Variants in DGKB observed in about 807,000 individuals in gnomAD.
The protein encoded by DGKB is 90 kDa diacylglycerol kinase.
DGKB carries 67 observed loss-of-function variants against 114.3 expected under a neutral mutation model. That is an observed-to-expected ratio of 0.59 (90% confidence interval 0.48 to 0.72). The LOEUF (loss-of-function observed/expected upper bound fraction) is 0.72. Among genes scored for constraint, DGKB ranks in the 30% least tolerant of loss-of-function variants. The pLI is 0.00. For missense variants in DGKB, 907 were observed against 975.2 expected (o/e 0.93, Z 0.93); for synonymous variants, 398 against 323.1 (o/e 1.23, Z -2.49).
intron 13 of DGKB, among the ~76,000 whole-genome samples, chr7:14,631,427 G>A (rs1412801677): frequency 6.6e-6 from 1 of 151,940 alleles, no homozygotes; most frequent in Non-Finnish European, 1.5e-5. Context: ...GAAAATTAAG[G>A]TGTTCAGGAA....
intron 1 of DGKB, among the ~76,000 whole-genome samples, chr7:14,961,740 T>C (rs1396784343): frequency 6.6e-6 from 1 of 152,160 alleles, no homozygotes; most frequent in Non-Finnish European, 1.5e-5. Context: ...TGGTAGATTT[T>C]ATAAAATCCA....
At chr7:14,358,900 C>T (rs1815138222) in intron 21 of DGKB, among the ~76,000 whole-genome samples, 1 of 151,998 alleles carries the variant, frequency 6.6e-6, no homozygotes, top group Admixed American at 6.5e-5. Context: ...CAATGCCATC[C>T]CCATCAAGCT....
chr7:14,431,409 T>A (rs1381494266), intron 21 of DGKB, among the ~76,000 whole-genome samples: 1 of 152,128 alleles, frequency 6.6e-6, no homozygotes, highest in Non-Finnish European at 1.5e-5. Context: ...AGTTGAATAT[T>A]AGCAATTTAA....
chr7:14,695,759 G>A (rs1035111103), intron 8 of DGKB, among the ~76,000 whole-genome samples: 3 of 151,558 alleles, frequency 2.0e-5, no homozygotes, highest in Non-Finnish European at 2.9e-5. Flanking sequence ...CACCTGCCTC[G>A]GCCTCCCAAA....
chr7:14,518,335 AG>A (rs999846295), intron 20 of DGKB, among the ~76,000 whole-genome samples: 5 of 152,082 alleles, frequency 3.3e-5, no homozygotes, highest in African/African-American at 7.2e-5. Flanking sequence ...GAGGAGGGTA[AG>A]GATCGCAAAA....
intron 23 of DGKB, among the ~76,000 whole-genome samples, chr7:14,180,848 C>A (rs921366855): frequency 6.6e-6 from 1 of 152,060 alleles, no homozygotes; most frequent in Admixed American, 6.5e-5. Context: ...GACTTCCTCA[C>A]CTCACATTCT....
At chr7:14,653,819 ATCT>A (rs1815181875) in intron 13 of DGKB, among the ~76,000 whole-genome samples, 1 of 152,034 alleles carries the variant, frequency 6.6e-6, no homozygotes, top group Admixed American at 6.6e-5. Flanking sequence ...CAATTCATAA[ATCT>A]TCATCCTAAA....
chr7:14,388,749 G>C (rs969596), intron 21 of DGKB, among the ~76,000 whole-genome samples: 148,493 of 152,236 alleles, frequency 0.98, 72,525 homozygotes, highest in Non-Finnish European at 1. Flanking sequence ...GAAAAAAGAA[G>C]ACTGACAACT....
chr7:14,390,976 C>T (rs1218992138), intron 21 of DGKB, among the ~76,000 whole-genome samples: 1 of 152,116 alleles, frequency 6.6e-6, no homozygotes, highest in Admixed American at 6.5e-5. Flanking sequence ...CAAGGACTCA[C>T]CTCTTCAATT....
At chr7:14,649,027 C>A (rs1339827920) in intron 13 of DGKB, among the ~76,000 whole-genome samples, 2 of 65,410 alleles carry the variant, frequency 3.1e-5, no homozygotes. Flanking sequence ...CATTGGTGTA[C>A]CTGAAAGTGA....
At chr7:14,898,160 G>A (rs1268451948) in intron 1 of DGKB, among the ~76,000 whole-genome samples, 1 of 151,970 alleles carries the variant, frequency 6.6e-6, no homozygotes, top group African/African-American at 2.4e-5. Context: ...GAGATTAAAG[G>A]ACAAAAACAC....
intron 8 of DGKB, among the ~76,000 whole-genome samples, chr7:14,695,940 T>C (rs1823798557): frequency 6.6e-6 from 1 of 152,204 alleles, no homozygotes; most frequent in African/African-American, 2.4e-5. Flanking sequence ...TGTACAACTT[T>C]GTACCATTTC....
At chr7:14,382,937 G>C (rs952509135) in intron 21 of DGKB, among the ~76,000 whole-genome samples, 1 of 152,130 alleles carries the variant, frequency 6.6e-6, no homozygotes, top group African/African-American at 2.4e-5. Context: ...AGGAAATTAA[G>C]AAAAGGATAA....
chr7:14,596,033 T>C (rs1802519452), intron 17 of DGKB, among the ~76,000 whole-genome samples: 1 of 152,142 alleles, frequency 6.6e-6, no homozygotes, highest in South Asian at 2.1e-4. Flanking sequence ...CATTAACCAT[T>C]GTTACGTTAA....
chr7:14,437,964 C>T lies in DGKB; in HGVS notation c.1835+40197G>A, dbSNP rs759791747. 2.0e-5 allele frequency among the ~76,000 whole-genome samples: 3 copies of T among 151,618 alleles called. No homozygotes were observed. In the East Asian group the frequency reaches 5.8e-4, roughly 29 times the overall value. The stretch of plus-strand genomic sequence containing the variant: ...TAGGATAGATAAAATTACAAAAATT[C>T]TTTCATTGCTGCGTTACAGAATGAC... On this transcript the variant is annotated intron_variant, in intron 21 of 25. Coordinates refer to ENST00000402815, the MANE Select transcript of DGKB (RefSeq NM_001350709.2).
At chr7:14,557,816 T>C (rs750528693) in intron 20 of DGKB, among the ~76,000 whole-genome samples, 42 of 151,862 alleles carry the variant, frequency 2.8e-4, no homozygotes, top group Non-Finnish European at 4.9e-4. Flanking sequence ...ATTTATTTCA[T>C]TGTCATCAAG....
intron 14 of DGKB, among the ~76,000 whole-genome samples, chr7:14,624,168 T>C (rs774800214): frequency 6.6e-6 from 1 of 152,194 alleles, no homozygotes; most frequent in Non-Finnish European, 1.5e-5. Context: ...AATTTAAAAG[T>C]TCAACGCTTA....
At chr7:14,321,795 T>A (rs1441598601) in intron 23 of DGKB, among the ~76,000 whole-genome samples, 1 of 152,100 alleles carries the variant, frequency 6.6e-6, no homozygotes, top group East Asian at 1.9e-4. Flanking sequence ...AGAAAATATA[T>A]TTTTTAGAAT....
intron 20 of DGKB, among the ~76,000 whole-genome samples, chr7:14,490,726 C>T (rs1051862126): frequency 3.3e-5 from 5 of 152,132 alleles, no homozygotes; most frequent in South Asian, 2.1e-4. Context: ...AAGCCAATTA[C>T]GATCCTAATT....
Sources: allele counts gnomAD v4.1 joint callset (sites outside exome capture counted in the v4.1 genomes callset), GRCh38; gene constraint gnomAD v4.1.1; transcripts MANE v1.5; gene names NCBI Gene and HGNC (gene_info 2026-07-23, HGNC 2026-07-21).